The following RORA variants were observed in gnomAD, a reference collection of about 807,000 sequenced individuals.
RORA encodes the protein nuclear receptor ROR-alpha.
RORA carries 7 observed loss-of-function variants against 69.5 expected under a neutral mutation model. The observed-to-expected ratio is 0.10, with a 90% CI of 0.06 to 0.19. The LOEUF is 0.19. Ranked by LOEUF, RORA falls within the 10% of genes least tolerant of loss-of-function variation. RORA has a pLI of 1.00. For synonymous variants in RORA, 261 were observed against 240.8 expected (o/e 1.08, Z -0.78); for missense variants, 457 against 663.0 (o/e 0.69, Z 3.41).
intron 1 of RORA, among the ~76,000 whole-genome samples, chr15:60,894,356 G>A (rs891718878): frequency 2.6e-5 from 4 of 152,146 alleles, no homozygotes; most frequent in South Asian, 2.1e-4. Flanking sequence ...AATCTCTCCC[G>A]CCACACCCTA....
chr15:61,187,298 G>A (rs193032169), intron 1 of RORA, among the ~76,000 whole-genome samples: 70 of 152,316 alleles, frequency 4.6e-4, no homozygotes, highest in Non-Finnish European at 9.7e-4. Flanking sequence ...ATGTACAGGC[G>A]GCCCGCCAGG....
chr15:60,775,825 T>C lies in RORA; in HGVS notation c.167-97139A>G, dbSNP rs372335877. Among the ~76,000 whole-genome samples, 8 of 152,322 alleles carry C rather than the reference T, an allele frequency of 5.3e-5. No individual in the cohort carries two copies. The East Asian group carries it at 7.7e-4, about 15-fold the overall frequency. ...CAAACCTCTTTAGGTTTAAAATTAC[T>C]GACATAGAAGAATTGTCTTGTGAAG... On this transcript the variant is annotated intron_variant, in intron 1 of 10. Coordinates refer to ENST00000335670, the MANE Select transcript of RORA (RefSeq NM_134261.3).
At chr15:60,818,893 G>A (rs2072851705) in intron 1 of RORA, among the ~76,000 whole-genome samples, 1 of 152,178 alleles carries the variant, frequency 6.6e-6, no homozygotes, top group Non-Finnish European at 1.5e-5. Context: ...GTTTGGGGCA[G>A]GCAGAGAGAA....
At chr15:60,677,103 T>C (rs766087546) in intron 2 of RORA, 8 of 450,868 alleles carry the variant, frequency 1.8e-5, no homozygotes, top group Non-Finnish European at 3.1e-5. Context: ...TCAGCCCCTG[T>C]TGGGGAGAGG....
chr15:60,619,891 A>G (rs562787613), intron 2 of RORA, among the ~76,000 whole-genome samples: 40 of 152,360 alleles, frequency 2.6e-4, no homozygotes, highest in Admixed American at 1.0e-3. Context: ...GCAGGCCTCA[A>G]TGGACAGACA....
chr15:61,076,756 C>T (rs1187989998), intron 1 of RORA, among the ~76,000 whole-genome samples: 1 of 152,134 alleles, frequency 6.6e-6, no homozygotes, highest in Non-Finnish European at 1.5e-5. Context: ...GCATGTGAGT[C>T]CTTGAACTGC....
Position 60,656,999 on chromosome 15 carries a change from G to C in RORA, c.196+21658C>G, listed in dbSNP as rs143598367. 1.6e-4 allele frequency among the ~76,000 whole-genome samples: 24 copies of C among 152,348 alleles called. No individual in the cohort carries two copies. The East Asian group carries it at 4.6e-3, about 29-fold the overall frequency. On this transcript the variant is annotated intron_variant, in intron 2 of 10. Coordinates refer to ENST00000335670, the MANE Select transcript of RORA (RefSeq NM_134261.3). ...TAATTAGAAGAATAGAAAGACCACT[G>C]AAGAGTGGGATTTGTGAGAAATATG...
At chr15:60,830,923 A>G (rs952254512) in intron 1 of RORA, among the ~76,000 whole-genome samples, 4 of 152,222 alleles carry the variant, frequency 2.6e-5, no homozygotes, top group African/African-American at 9.6e-5. Context: ...TGTTGTTGCT[A>G]AAAATATATG....
intron 1 of RORA, among the ~76,000 whole-genome samples, chr15:60,842,785 C>T (rs1003579890): frequency 6.6e-6 from 1 of 151,694 alleles, no homozygotes; most frequent in African/African-American, 2.4e-5. Context: ...TCTAAGAAGT[C>T]CTCAATCCAT....
intron 1 of RORA, among the ~76,000 whole-genome samples, chr15:60,967,455 T>A (rs1595851195): frequency 6.6e-6 from 1 of 152,214 alleles, no homozygotes; most frequent in Admixed American, 6.5e-5. Context: ...GAAGTGCCCA[T>A]GTCCCTGGTT....
At chr15:60,730,752 C>T (rs976642012) in intron 1 of RORA, among the ~76,000 whole-genome samples, 2 of 152,202 alleles carry the variant, frequency 1.3e-5, no homozygotes, top group South Asian at 4.1e-4. Context: ...TGGTTACTTT[C>T]TAACACTGTT....
intron 1 of RORA, among the ~76,000 whole-genome samples, chr15:60,800,690 C>T (rs1567195911): frequency 6.6e-6 from 1 of 152,124 alleles, no homozygotes; most frequent in African/African-American, 2.4e-5. Context: ...TATTATAGCA[C>T]CTCCTCTGTC....
intron 1 of RORA, among the ~76,000 whole-genome samples, chr15:61,193,599 A>G (rs1433128426): frequency 2.6e-5 from 4 of 152,222 alleles, no homozygotes; most frequent in Non-Finnish European, 5.9e-5. Flanking sequence ...TTTACTTAAG[A>G]TAGTTTGAGT....
At chr15:60,879,916 A>G (rs904855812) in intron 1 of RORA, among the ~76,000 whole-genome samples, 3 of 152,220 alleles carry the variant, frequency 2.0e-5, no homozygotes, top group African/African-American at 7.2e-5. Context: ...AAGCACACAT[A>G]CAAGCCATCC....
intron 1 of RORA, among the ~76,000 whole-genome samples, chr15:61,115,280 A>C (rs74438806): frequency 2.1e-5 from 1 of 47,714 alleles, no homozygotes; most frequent in Non-Finnish European, 3.4e-5. Flanking sequence ...GGATATTCCA[A>C]AAAAAAAAAA....
intron 1 of RORA, among the ~76,000 whole-genome samples, chr15:61,141,736 A>C (rs899998482): frequency 3.3e-5 from 5 of 152,206 alleles, no homozygotes; most frequent in Non-Finnish European, 5.9e-5. Flanking sequence ...AAGGTCCCGC[A>C]AGCCTGCCTG....
chr15:61,178,852 A>C (rs779436454), intron 1 of RORA, among the ~76,000 whole-genome samples: 1 of 152,226 alleles, frequency 6.6e-6, no homozygotes, highest in Non-Finnish European at 1.5e-5. Flanking sequence ...TGAATAGCTA[A>C]CCATATAGAC....
intron 1 of RORA, among the ~76,000 whole-genome samples, chr15:60,928,716 A>T (rs963710976): frequency 2.6e-5 from 4 of 152,154 alleles, no homozygotes; most frequent in Non-Finnish European, 4.4e-5. Context: ...GTCCCACAGC[A>T]TGTTCATGGG....
chr15:60,709,981 G>A (rs958188994), intron 1 of RORA, among the ~76,000 whole-genome samples: 2 of 152,018 alleles, frequency 1.3e-5, no homozygotes, highest in African/African-American at 4.8e-5. Flanking sequence ...TTAGAAGGTG[G>A]GGGCTGAAAG....
Sources: gnomAD v4.1 joint callset for allele counts (sites outside exome capture counted in the v4.1 genomes callset) on GRCh38, gnomAD v4.1.1 for gene constraint, MANE v1.5 for transcripts, NCBI Gene and HGNC (gene_info 2026-07-23, HGNC 2026-07-21) for gene names.